MIS18BP1: variants seen among roughly 807,000 people sequenced by gnomAD.
MIS18BP1 encodes mis18-binding protein 1.
Under a neutral mutation model 116.1 loss-of-function variants are expected in MIS18BP1, and 72 were observed. The observed-to-expected ratio is 0.62, with a 90% CI of 0.51 to 0.75. MIS18BP1 has a LOEUF of 0.75. MIS18BP1 is among the 30% of genes least tolerant of loss of function. MIS18BP1 has a pLI of 0.00. For missense variants in MIS18BP1, 1,363 were observed against 1,303.2 expected, an observed-to-expected ratio of 1.05 and a Z score of -0.71; for synonymous variants, 386 against 427.0, an observed-to-expected ratio of 0.90 and a Z score of 1.18.
chr14:45,239,191 G>A (rs1891508412), intron 4 of MIS18BP1, among the ~76,000 whole-genome samples: 1 of 152,118 alleles, frequency 6.6e-6, no homozygotes, highest in Admixed American at 6.5e-5. Flanking sequence ...AGATAGTGGA[G>A]ATTGAGTGAG....
At chr14:45,233,885 A>AG (rs1891353349) in intron 6 of MIS18BP1, among the ~76,000 whole-genome samples, 1 of 152,144 alleles carries the variant, frequency 6.6e-6, no homozygotes. Context: ...CTAAGGGGAG[A>AG]GGTCTTGGTT....
At chr14:45,228,811 A>G (rs1891195647) in intron 8 of MIS18BP1, among the ~76,000 whole-genome samples, 1 of 152,236 alleles carries the variant, frequency 6.6e-6, no homozygotes, top group African/African-American at 2.4e-5. Flanking sequence ...GTGCTTTAAG[A>G]GCAATACTAT....
At chr14:45,204,936 C>T (rs1464484959) in intron 15 of MIS18BP1, among the ~76,000 whole-genome samples, 1 of 151,898 alleles carries the variant, frequency 6.6e-6, no homozygotes, top group Non-Finnish European at 1.5e-5. Flanking sequence ...TATAACAGTA[C>T]AATGTTTTAT....
At chr14:45,226,220 ATCT>A (rs1356272339) in intron 10 of MIS18BP1, among the ~76,000 whole-genome samples, 1 of 152,180 alleles carries the variant, frequency 6.6e-6, no homozygotes, top group Non-Finnish European at 1.5e-5. Context: ...CTGCTTTCCT[ATCT>A]TCTTCAAACA....
chr14:45,246,700 C>A, intron 2 of MIS18BP1, 43 bp downstream of exon 2: 1 of 1,505,572 alleles, frequency 6.6e-7, no homozygotes, highest in Non-Finnish European at 8.9e-7. Context: ...AAACATTAAA[C>A]ACTTAAGACA....
chr14:45,209,634 T>C lies in MIS18BP1; in HGVS notation c.3152+746A>G, dbSNP rs529405023. On this transcript the variant is annotated intron_variant, in intron 14 of 16. Coordinates refer to ENST00000310806, the MANE Select transcript of MIS18BP1 (RefSeq NM_018353.5). ...GTGCCTGGCTCTTCATTAATTTCTA[T>C]GACTATATAATGGACCAGAGTTCAT... 9.8e-5 allele frequency among the ~76,000 whole-genome samples: 15 copies of C among 152,304 alleles called. No individual in the cohort carries two copies. The East Asian group carries it at 2.5e-3, about 25-fold the overall frequency.
chr14:45,212,600 G>A (rs527302368), intron 13 of MIS18BP1, among the ~76,000 whole-genome samples: 3 of 152,328 alleles, frequency 2.0e-5, no homozygotes, highest in Non-Finnish European at 4.4e-5. Context: ...TTGGTGATCA[G>A]CAGCTTCCTC....
intron 9 of MIS18BP1, 36 bp downstream of exon 9, chr14:45,227,627 T>G (rs200506108): frequency 6.4e-7 from 1 of 1,560,506 alleles, no homozygotes; most frequent in African/African-American, 1.4e-5. Context: ...CTTCTAAATA[T>G]CAACTTGAAC....
chr14:45,230,721 G>A (rs1249150795), intron 8 of MIS18BP1, among the ~76,000 whole-genome samples: 1 of 152,134 alleles, frequency 6.6e-6, no homozygotes, highest in East Asian at 1.9e-4. Context: ...CTGAGCTCAA[G>A]CGATCCTCCC....
At position 45,218,371 on chromosome 14, in the gene MIS18BP1, C is replaced by T. The variant is rs779442003; in HGVS notation, c.2753G>A (p.Cys918Tyr). 6.2e-7 allele frequency: 1 copy of T among 1,613,990 alleles called. No individual in the cohort carries two copies. The highest frequency in any genetic ancestry group is 8.5e-7 in the Non-Finnish European group (1 of 1,179,982). Residue 918 changes from cysteine to tyrosine, a missense_variant, in exon 12 of 17, where the codon TGC (cysteine) becomes TAC (tyrosine). Physicochemically the swap from Cys to Tyr is radical, Grantham distance 194 (BLOSUM62 -2). Transcript: ENST00000310806. ...GGGATTTTCCATGTATTTCCTCTGGCATTCTTCAGGAGATCGAGAACCTAC... is the reference window on the plus strand; with the variant it reads ...GGGATTTTCCATGTATTTCCTCTGGTATTCTTCAGGAGATCGAGAACCTAC... ...AAVGSRSPEE[C>Y]QRKYMENPRG...
At chr14:45,230,252 C>A (rs1247828865) in intron 8 of MIS18BP1, among the ~76,000 whole-genome samples, 1 of 152,170 alleles carries the variant, frequency 6.6e-6, no homozygotes, top group Non-Finnish European at 1.5e-5. Context: ...AATGTTCATA[C>A]ATTTTTATAC....
At chr14:45,233,912 C>T (rs929576393) in intron 6 of MIS18BP1, among the ~76,000 whole-genome samples, 4 of 152,040 alleles carry the variant, frequency 2.6e-5, no homozygotes, top group Non-Finnish European at 5.9e-5. Flanking sequence ...ATAAAATTGG[C>T]ATTCATCATC....
chr14:45,246,695 T>C, intron 2 of MIS18BP1, 48 bp downstream of exon 2: 1 of 1,500,404 alleles, frequency 6.7e-7, no homozygotes, highest in Non-Finnish European at 8.9e-7. Flanking sequence ...GTCTGAAACA[T>C]TAAACACTTA....
chr14:45,235,041 C>T (rs1338416470), intron 6 of MIS18BP1, among the ~76,000 whole-genome samples: 1 of 151,842 alleles, frequency 6.6e-6, no homozygotes, highest in Non-Finnish European at 1.5e-5. Flanking sequence ...AACATGGTGA[C>T]ACCCTGTCTC....
At chr14:45,247,757 T>G (rs1891761406) in intron 1 of MIS18BP1, among the ~76,000 whole-genome samples, 1 of 152,160 alleles carries the variant, frequency 6.6e-6, no homozygotes, top group Non-Finnish European at 1.5e-5. Context: ...GGCACTACAT[T>G]AGGTTACAAA....
chr14:45,246,903 T>C lies in MIS18BP1; in HGVS notation c.384A>G (p.Glu128=). The C allele has an allele frequency of 1.2e-6, 2 of 1,610,646 alleles. No individual in the cohort carries two copies. Among genetic ancestry groups the C allele is most frequent in the Non-Finnish European group, 1.7e-6 (2 of 1,179,288 alleles). Residue 128 remains glutamate (E), a synonymous_variant, in exon 2 of 17, where the codon GAA becomes GAG. Coordinates refer to ENST00000310806, the MANE Select transcript of MIS18BP1 (RefSeq NM_018353.5). The stretch of plus-strand genomic sequence containing the variant: ...ACAAACTACTGTTTCTTGATGGCTG[T>C]TCTTGCTTGTCACGCAGTACTTTTT... ...MKEKVLRDKQ[E]QPSRNSSLLE...
intron 11 of MIS18BP1, among the ~76,000 whole-genome samples, chr14:45,222,046 A>C (rs925661959): frequency 6.6e-6 from 1 of 152,196 alleles, no homozygotes; most frequent in Admixed American, 6.5e-5. Flanking sequence ...ATTTTGACAG[A>C]TATTAATATA....
chr14:45,235,771 CT>C, intron 6 of MIS18BP1, 42 bp downstream of exon 6: 1 of 1,532,560 alleles, frequency 6.5e-7, no homozygotes. Context: ...TGGTTAACTG[CT>C]TTACTTCTTA....
chr14:45,224,478 A>C lies in MIS18BP1; in HGVS notation c.2109T>G (p.Phe703Leu). 6.2e-7 allele frequency: 1 copy of C among 1,613,860 alleles called. No individual in the cohort carries two copies. The highest frequency in any genetic ancestry group is 1.7e-4 in the Middle Eastern group (1 of 6,060). ...SKSMGTLENT[F>L]EGHKSKNKED... ...CCTTGTTTTTACTTTTATGACCTTCAAATGTATTTTCTAAAGTCCCCATGG... is the reference window on the plus strand; with the variant it reads ...CCTTGTTTTTACTTTTATGACCTTCCAATGTATTTTCTAAAGTCCCCATGG... Residue 703 changes from phenylalanine to leucine, a missense_variant, in exon 11 of 17, where the codon TTT becomes TTG. Transcript: ENST00000310806.
Sources: allele counts gnomAD v4.1 joint callset (sites outside exome capture counted in the v4.1 genomes callset), GRCh38; gene constraint gnomAD v4.1.1; transcripts MANE v1.5; gene names NCBI Gene and HGNC (gene_info 2026-07-23, HGNC 2026-07-21).